The following ADAMTSL1 variants were observed in gnomAD, a reference collection of about 807,000 sequenced individuals.
The protein encoded by ADAMTSL1 is ADAMTS like 1, also known as ADAMTS-like protein 1.
In ADAMTSL1, 126 loss-of-function variants were observed where a neutral mutation model predicts 201.8. That is an observed-to-expected ratio of 0.62 (90% CI 0.54 to 0.72). ADAMTSL1 has a LOEUF of 0.72. Ranked by LOEUF, ADAMTSL1 falls within the 30% of genes least tolerant of loss-of-function variation. ADAMTSL1 has a pLI of 0.00. For missense variants in ADAMTSL1, 2,679 were observed against 2,277.8 expected (o/e 1.18, Z -3.59); for synonymous variants, 1,121 against 903.4 (o/e 1.24, Z -4.32).
chr9:18,204,177 C>A (rs951106023), intron 2 of ADAMTSL1, among the ~76,000 whole-genome samples: 2 of 151,902 alleles, frequency 1.3e-5, no homozygotes, highest in African/African-American at 4.8e-5. Flanking sequence ...GCTTTGTGTC[C>A]CCATCCAAAT....
chr9:18,272,986 A>G (rs1832439742), intron 2 of ADAMTSL1, among the ~76,000 whole-genome samples: 1 of 152,182 alleles, frequency 6.6e-6, no homozygotes, highest in African/African-American at 2.4e-5. Flanking sequence ...ACAGTGGGGG[A>G]GAATAATAAA....
chr9:18,872,159 TC>T (rs1827904659), intron 23 of ADAMTSL1, among the ~76,000 whole-genome samples: 2 of 87,498 alleles, frequency 2.3e-5, no homozygotes, highest in South Asian at 3.8e-4. Flanking sequence ...TAAATAACCT[TC>T]TTTTTTTTTT....
intron 1 of ADAMTSL1, among the ~76,000 whole-genome samples, chr9:17,939,235 C>A (rs1827133300): frequency 6.6e-6 from 1 of 152,012 alleles, no homozygotes; most frequent in African/African-American, 2.4e-5. Flanking sequence ...CTCTTGTAAA[C>A]TATTTCTTTT....
At chr9:18,630,847 G>A (rs10963682) in intron 5 of ADAMTSL1, among the ~76,000 whole-genome samples, 18,907 of 152,078 alleles carry the variant, frequency 0.12, 1,356 homozygotes, top group Admixed American at 0.2. Context: ...CTCCTTCTAC[G>A]ACAATGCAGT....
At chr9:18,075,540 C>T (rs1391453441) in intron 1 of ADAMTSL1, among the ~76,000 whole-genome samples, 1 of 151,802 alleles carries the variant, frequency 6.6e-6, no homozygotes, top group East Asian at 1.9e-4. Flanking sequence ...TTATAAAAGT[C>T]AATTTCATTA....
intron 1 of ADAMTSL1, among the ~76,000 whole-genome samples, chr9:18,096,763 C>G (rs1824269816): frequency 6.6e-6 from 1 of 152,172 alleles, no homozygotes; most frequent in Admixed American, 6.5e-5. Flanking sequence ...ACCCTACAAA[C>G]TTCTCAAGTC....
chr9:18,444,314 T>C (rs920132975), intron 2 of ADAMTSL1, among the ~76,000 whole-genome samples: 1 of 152,184 alleles, frequency 6.6e-6, no homozygotes, highest in African/African-American at 2.4e-5. Flanking sequence ...TTTGAGCTAA[T>C]GGGTAATATA....
chr9:18,855,990 C>A (rs974932237), intron 23 of ADAMTSL1, among the ~76,000 whole-genome samples: 1 of 152,190 alleles, frequency 6.6e-6, no homozygotes, highest in Non-Finnish European at 1.5e-5. Flanking sequence ...TGCACCTCCT[C>A]TTAATTCTTC....
chr9:18,876,135 A>C (rs7041997), intron 23 of ADAMTSL1, among the ~76,000 whole-genome samples: 3 of 151,972 alleles, frequency 2.0e-5, no homozygotes, highest in African/African-American at 4.8e-5. Context: ...GTGAGTCCTT[A>C]TGTGTTAGGT....
chr9:18,178,506 G>A (rs1039197335), intron 2 of ADAMTSL1, among the ~76,000 whole-genome samples: 3 of 152,066 alleles, frequency 2.0e-5, no homozygotes, highest in South Asian at 2.1e-4. Context: ...CGGGAAGCTC[G>A]AACTGGGTGG....
intron 7 of ADAMTSL1, among the ~76,000 whole-genome samples, chr9:18,649,187 T>G (rs1380767764): frequency 2.6e-5 from 4 of 152,362 alleles, no homozygotes; most frequent in South Asian, 4.1e-4. Context: ...CATCAGCTCC[T>G]GAGGCTTCTG....
intron 1 of ADAMTSL1, among the ~76,000 whole-genome samples, chr9:17,926,812 A>C (rs1826555380): frequency 6.6e-6 from 1 of 152,150 alleles, no homozygotes; most frequent in African/African-American, 2.4e-5. Context: ...GTGTGTGTCT[A>C]TGTGTACAGA....
At position 18,804,208 on chromosome 9, in the gene ADAMTSL1, A is replaced by G. The variant is rs1479826681; in HGVS notation, c.3805+8684A>G. On this transcript the variant is annotated intron_variant, in intron 20 of 28. Transcript: ENST00000380548. The stretch of plus-strand genomic sequence containing the variant: ...CCCTTTACCTGAAATTCTGACGTTG[A>G]AAATTGACTCTGTTGTATTTTGGGG... Among the ~76,000 whole-genome samples the G allele has an allele frequency of 2.0e-5, 3 of 152,328 alleles. No homozygotes were observed. The East Asian group carries it at 5.8e-4, about 29-fold the overall frequency.
chr9:18,265,548 T>G (rs1832088489), intron 2 of ADAMTSL1, among the ~76,000 whole-genome samples: 1 of 152,230 alleles, frequency 6.6e-6, no homozygotes, highest in African/African-American at 2.4e-5. Context: ...ATTGAATGAC[T>G]GAATGAATAA....
At chr9:18,559,372 G>C (rs984034724) in intron 3 of ADAMTSL1, among the ~76,000 whole-genome samples, 1 of 152,156 alleles carries the variant, frequency 6.6e-6, no homozygotes. Context: ...CTATATATCT[G>C]TTTTGGTACC....
At chr9:18,712,746 G>A (rs559581336) in intron 14 of ADAMTSL1, among the ~76,000 whole-genome samples, 2 of 151,990 alleles carry the variant, frequency 1.3e-5, no homozygotes, top group South Asian at 4.2e-4. Flanking sequence ...GAAATACAGA[G>A]AACGCCACAA....
chr9:18,508,550 A>G (rs1817821742), intron 2 of ADAMTSL1, among the ~76,000 whole-genome samples: 1 of 152,120 alleles, frequency 6.6e-6, no homozygotes, highest in Non-Finnish European at 1.5e-5. Flanking sequence ...TTTCTTGATA[A>G]TTTTTATTTG....
intron 2 of ADAMTSL1, among the ~76,000 whole-genome samples, chr9:18,295,826 T>C (rs1587492673): frequency 6.6e-6 from 1 of 152,264 alleles, no homozygotes; most frequent in East Asian, 1.9e-4. Context: ...CACAATATAA[T>C]TAAGTGCCAT....
At chr9:18,121,867 A>T (rs1189916734) in intron 1 of ADAMTSL1, among the ~76,000 whole-genome samples, 1 of 151,738 alleles carries the variant, frequency 6.6e-6, no homozygotes, top group African/African-American at 2.4e-5. Context: ...CATTCTTAAA[A>T]CTCTTTAGAA....
Sources: gnomAD v4.1 joint callset for allele counts (sites outside exome capture counted in the v4.1 genomes callset) on GRCh38, gnomAD v4.1.1 for gene constraint, MANE v1.5 for transcripts, NCBI Gene and HGNC (gene_info 2026-07-23, HGNC 2026-07-21) for gene names.